The following SPAG16 variants were observed in gnomAD, a reference collection of about 807,000 sequenced individuals.
The protein encoded by SPAG16 is sperm-associated antigen 16 protein.
A neutral mutation model predicts 80.4 loss-of-function variants in SPAG16; 86 were observed. The observed-to-expected ratio is 1.07, with a 90% confidence interval of 0.90 to 1.28. The LOEUF is 1.28. SPAG16 is among the 50% of genes most tolerant of loss of function. The pLI is 0.00. For synonymous variants in SPAG16, 294 were observed against 265.9 expected (o/e 1.11, Z -1.03); for missense variants, 870 against 765.3 (o/e 1.14, Z -1.61).
chr2:214,082,154 G>A (rs1041032964), intron 13 of SPAG16, among the ~76,000 whole-genome samples: 22 of 151,992 alleles, frequency 1.4e-4, no homozygotes, highest in Admixed American at 1.1e-3. Context: ...CAGCTGGATC[G>A]AGGAAAACGT....
At chr2:214,214,783 A>C (rs991067440) in intron 15 of SPAG16, among the ~76,000 whole-genome samples, 1 of 151,872 alleles carries the variant, frequency 6.6e-6, no homozygotes, top group Non-Finnish European at 1.5e-5. Context: ...AATGCCTGGA[A>C]ATTTAAAGAC....
rs189502973 is a variant in SPAG16, at chr2:213,297,558, A to G, written c.279+201A>G. On this transcript the variant is annotated intron_variant, in intron 3 of 15. Coordinates refer to ENST00000331683, the MANE Select transcript of SPAG16 (RefSeq NM_024532.5). ...TTTTTGGATTGCCATTCTCCACATC[A>G]TGGTCACTCTTGCATGACTTTGTAT... 9.2e-5 allele frequency among the ~76,000 whole-genome samples: 14 copies of G among 152,080 alleles called. No individual in the cohort carries two copies. In the East Asian group the frequency reaches 2.3e-3, roughly 25 times the overall value.
At chr2:213,866,175 T>A (rs1358014809) in intron 11 of SPAG16, among the ~76,000 whole-genome samples, 1 of 151,888 alleles carries the variant, frequency 6.6e-6, no homozygotes, top group African/African-American at 2.4e-5. Flanking sequence ...CAGGTAATTT[T>A]TAGTTTCATT....
At chr2:213,603,259 T>C (rs994781904) in intron 10 of SPAG16, among the ~76,000 whole-genome samples, 3 of 152,226 alleles carry the variant, frequency 2.0e-5, no homozygotes, top group African/African-American at 4.8e-5. Context: ...GAAACCCTTG[T>C]TTATATCTTT....
rs192073763 is a variant in SPAG16 at position 213,818,622 on chromosome 2, T to C, written c.1071-43863T>C. On this transcript the variant is annotated intron_variant, in intron 10 of 15. Coordinates refer to ENST00000331683, the MANE Select transcript of SPAG16 (RefSeq NM_024532.5). ...GATGGTGAAAAGGAAGCATTCCCTT[T>C]CCTACAAAGGCATGCATAAATAAAC... is the stretch of plus-strand genomic sequence containing the variant. Among the ~76,000 whole-genome samples the C allele has an allele frequency of 9.0e-3, 1,350 of 149,736 alleles. 25 individuals carry two copies. The highest frequency in any genetic ancestry group is 0.03 in the African/African-American group (1,227 of 41,494).
intron 10 of SPAG16, among the ~76,000 whole-genome samples, chr2:213,567,356 A>G (rs2059808580): frequency 8.7e-6 from 1 of 115,112 alleles, no homozygotes; most frequent in East Asian, 2.5e-4. Flanking sequence ...AGCATTAGGT[A>G]TATCTCCCAA....
At chr2:213,388,523 A>T in intron 9 of SPAG16, among the ~76,000 whole-genome samples, 1 of 152,264 alleles carries the variant, frequency 6.6e-6, no homozygotes, top group East Asian at 1.9e-4. Flanking sequence ...CTGAGAAAAC[A>T]GTAAGGTTAC....
At chr2:213,842,537 A>G (rs535751574) in intron 10 of SPAG16, among the ~76,000 whole-genome samples, 11 of 152,032 alleles carry the variant, frequency 7.2e-5, no homozygotes, top group Non-Finnish European at 1.6e-4. Context: ...ATAGGAAATG[A>G]TTATATTAGA....
At chr2:214,401,101 C>T (rs1701681841) in intron 15 of SPAG16, among the ~76,000 whole-genome samples, 1 of 151,918 alleles carries the variant, frequency 6.6e-6, no homozygotes, top group African/African-American at 2.4e-5. Context: ...AACTAAATCA[C>T]ATTTCATATC....
chr2:214,020,197 A>G (rs1423102408), intron 13 of SPAG16, among the ~76,000 whole-genome samples: 2 of 151,852 alleles, frequency 1.3e-5, no homozygotes, highest in East Asian at 1.9e-4. Flanking sequence ...TGCCTCTCCA[A>G]CCTCGGTCTT....
intron 15 of SPAG16, among the ~76,000 whole-genome samples, chr2:214,313,402 C>T (rs1003264583): frequency 2.0e-5 from 3 of 151,972 alleles, no homozygotes; most frequent in African/African-American, 7.2e-5. Flanking sequence ...CCCAAGGATT[C>T]GATTACTTTT....
At chr2:214,300,130 A>G (rs984285834) in intron 15 of SPAG16, among the ~76,000 whole-genome samples, 1 of 152,172 alleles carries the variant, frequency 6.6e-6, no homozygotes, top group Non-Finnish European at 1.5e-5. Context: ...TTAAATTGCC[A>G]TAAATTAAGA....
intron 14 of SPAG16, among the ~76,000 whole-genome samples, chr2:214,122,249 A>G (rs965943308): frequency 6.6e-6 from 1 of 151,786 alleles, no homozygotes; most frequent in Admixed American, 6.6e-5. Context: ...GCTAAATCCT[A>G]CTAAAAAAAT....
chr2:213,398,454 A>G (rs1052149828), intron 9 of SPAG16, among the ~76,000 whole-genome samples: 7 of 152,114 alleles, frequency 4.6e-5, no homozygotes, highest in South Asian at 4.1e-4. Context: ...CTTTTGCTCA[A>G]TTGCAGGCAC....
At chr2:213,565,848 A>G (rs1428143645) in intron 10 of SPAG16, among the ~76,000 whole-genome samples, 1 of 152,198 alleles carries the variant, frequency 6.6e-6, no homozygotes, top group African/African-American at 2.4e-5. Context: ...AAAAGAGGAC[A>G]TACTGATGAT....
At chr2:213,585,636 C>G (rs2060446058) in intron 10 of SPAG16, among the ~76,000 whole-genome samples, 1 of 152,150 alleles carries the variant, frequency 6.6e-6, no homozygotes, top group African/African-American at 2.4e-5. Flanking sequence ...TCATACGTCT[C>G]TTGCTAAACA....
At chr2:213,331,189 GC>G (rs892311725) in intron 5 of SPAG16, among the ~76,000 whole-genome samples, 1 of 152,172 alleles carries the variant, frequency 6.6e-6, no homozygotes, top group African/African-American at 2.4e-5. Context: ...TCAGAAGTAG[GC>G]ACTGGTTTGT....
intron 10 of SPAG16, among the ~76,000 whole-genome samples, chr2:213,652,278 TACTAG>T (rs761502149): frequency 7.2e-5 from 11 of 152,182 alleles, no homozygotes; most frequent in Non-Finnish European, 1.6e-4. Flanking sequence ...ATATGGTATA[TACTAG>T]GGGAGGGATT....
intron 12 of SPAG16, among the ~76,000 whole-genome samples, chr2:213,957,679 A>G (rs956918730): frequency 6.6e-6 from 1 of 151,974 alleles, no homozygotes; most frequent in Non-Finnish European, 1.5e-5. Context: ...TATTTCCAGC[A>G]TTACTGTCTT....
Sources: allele counts gnomAD v4.1 joint callset (sites outside exome capture counted in the v4.1 genomes callset), GRCh38; gene constraint gnomAD v4.1.1; transcripts MANE v1.5; gene names NCBI Gene and HGNC (gene_info 2026-07-23, HGNC 2026-07-21).